ERC1: variants seen among roughly 807,000 people sequenced by gnomAD.
ERC1 encodes RAB6 interacting protein 2.
Under a neutral mutation model 132.0 loss-of-function variants are expected in ERC1, and 56 were observed. The ratio of observed to expected loss-of-function variants is 0.42; its 90% confidence interval spans 0.34 to 0.53. ERC1 has a LOEUF of 0.53. ERC1 is among the 20% of genes least tolerant of loss of function. The pLI is 0.03. For synonymous variants in ERC1, 478 were observed against 476.1 expected, an observed-to-expected ratio of 1.00 and a Z score of -0.05; for missense variants, 1,202 against 1,349.9, an observed-to-expected ratio of 0.89 and a Z score of 1.72.
At chr12:1,395,007 ACTGAAT>A (rs1179075057) in intron 16 of ERC1, among the ~76,000 whole-genome samples, 2 of 152,182 alleles carry the variant, frequency 1.3e-5, no homozygotes, top group Non-Finnish European at 2.9e-5. Flanking sequence ...GTTGAGTCTC[ACTGAAT>A]CCAGCTAATA....
At chr12:1,470,056 G>C (rs1382516787) in intron 18 of ERC1, among the ~76,000 whole-genome samples, 9 of 151,678 alleles carry the variant, frequency 5.9e-5, no homozygotes, top group Admixed American at 3.3e-4. Context: ...CACATCAAAG[G>C]GTCATTTCGT....
rs185192312 is a variant in ERC1, at chr12:1,241,000, A to G, written c.2487+4096A>G. 1.1e-3 allele frequency among the ~76,000 whole-genome samples: 166 copies of G among 152,180 alleles called. 2 individuals carry two copies. The highest frequency in any genetic ancestry group is 3.6e-3 in the African/African-American group (150 of 41,518). On this transcript the variant is annotated intron_variant, in intron 13 of 18. Transcript: ENST00000360905. ...TTTTCTGGACATTTCTTAATTTTCA[A>G]TTTTCACAGAGCAAATTTGTACAGA...
intron 17 of ERC1, among the ~76,000 whole-genome samples, chr12:1,435,870 T>C (rs560354073): frequency 2.1e-4 from 32 of 152,346 alleles, no homozygotes; most frequent in African/African-American, 7.7e-4. Flanking sequence ...GATATATTTA[T>C]AGTTTCTCTT....
intron 1 of ERC1, among the ~76,000 whole-genome samples, chr12:1,023,532 G>C (rs1966674210): frequency 6.6e-6 from 1 of 152,152 alleles, no homozygotes; most frequent in South Asian, 2.1e-4. Flanking sequence ...AAGATGTCCA[G>C]AAGTGGGATA....
At chr12:1,138,725 A>G (rs1457963825) in intron 7 of ERC1, among the ~76,000 whole-genome samples, 1 of 152,186 alleles carries the variant, frequency 6.6e-6, no homozygotes, top group Non-Finnish European at 1.5e-5. Context: ...GCTGCAATGG[A>G]GAGCCACTGG....
intron 2 of ERC1, among the ~76,000 whole-genome samples, chr12:1,056,089 AAAAG>A (rs1001628524): frequency 3.3e-5 from 5 of 151,834 alleles, no homozygotes; most frequent in Middle Eastern, 3.4e-3. Context: ...TTTTTTAAAA[AAAAG>A]GTGAATGTCA....
chr12:1,433,960 C>T (rs1459869735), intron 17 of ERC1, among the ~76,000 whole-genome samples: 3 of 131,606 alleles, frequency 2.3e-5, no homozygotes, highest in Admixed American at 9.0e-5. Context: ...GCCTAGGCGA[C>T]AGAGTGAGAC....
At chr12:1,405,834 T>G (rs932229088) in intron 16 of ERC1, among the ~76,000 whole-genome samples, 4 of 152,172 alleles carry the variant, frequency 2.6e-5, no homozygotes, top group Non-Finnish European at 4.4e-5. Flanking sequence ...GGGGATCACT[T>G]AAGGCCAGGA....
At chr12:1,139,118 T>A (rs190718385) in intron 7 of ERC1, among the ~76,000 whole-genome samples, 3 of 152,324 alleles carry the variant, frequency 2.0e-5, no homozygotes, top group Admixed American at 1.3e-4. Context: ...TTACCTGTGG[T>A]CACCTGTGGT....
chr12:1,426,327 A>G (rs1199357776), intron 17 of ERC1, among the ~76,000 whole-genome samples: 2 of 151,426 alleles, frequency 1.3e-5, no homozygotes, highest in Non-Finnish European at 2.9e-5. Context: ...CTGGTCTCGA[A>G]CTCCTGACCT....
intron 15 of ERC1, among the ~76,000 whole-genome samples, chr12:1,312,880 T>C (rs1431782868): frequency 6.6e-6 from 1 of 152,160 alleles, no homozygotes; most frequent in Non-Finnish European, 1.5e-5. Context: ...CACTGTAACA[T>C]TTATCATGTT....
intron 2 of ERC1, among the ~76,000 whole-genome samples, chr12:1,041,558 A>G (rs1290898474): frequency 6.6e-6 from 1 of 152,180 alleles, no homozygotes; most frequent in Non-Finnish European, 1.5e-5. Flanking sequence ...TAAAGGCCTT[A>G]TGTGGGTCTT....
At chr12:1,253,696 G>A (rs1283104908) in intron 13 of ERC1, among the ~76,000 whole-genome samples, 2 of 152,088 alleles carry the variant, frequency 1.3e-5, no homozygotes, top group African/African-American at 4.8e-5. Context: ...AAAAGGCAGT[G>A]GAGGGTAGAG....
intron 12 of ERC1, among the ~76,000 whole-genome samples, chr12:1,219,697 G>A (rs957688237): frequency 4.7e-5 from 7 of 147,786 alleles, no homozygotes; most frequent in Non-Finnish European, 1.5e-5. Context: ...GTAGCCTGGC[G>A]TAATCTCGGC....
chr12:1,352,502 ATACT>A (rs1464356446), intron 15 of ERC1, among the ~76,000 whole-genome samples: 1 of 152,240 alleles, frequency 6.6e-6, no homozygotes, highest in Non-Finnish European at 1.5e-5. Context: ...GTATTTATAT[ATACT>A]TACCTTTCTC....
At chr12:1,372,026 A>G (rs767330617) in intron 16 of ERC1, 49 bp downstream of exon 16, 15 of 1,600,126 alleles carry the variant, frequency 9.4e-6, no homozygotes, top group Non-Finnish European at 1.3e-5. Flanking sequence ...CTTTCACACC[A>G]TTCTCCACAC....
At chr12:1,357,623 G>C (rs1165709203) in intron 15 of ERC1, among the ~76,000 whole-genome samples, 1 of 152,192 alleles carries the variant, frequency 6.6e-6, no homozygotes, top group East Asian at 1.9e-4. Context: ...GTGTACCTTA[G>C]TTTGAAGGGA....
chr12:1,438,785 T>C (rs927826043), intron 17 of ERC1, among the ~76,000 whole-genome samples: 1 of 151,762 alleles, frequency 6.6e-6, no homozygotes, highest in African/African-American at 2.4e-5. Flanking sequence ...CTACAATAAA[T>C]TTAAAAAATT....
chr12:1,455,597 T>C (rs1476512810), intron 18 of ERC1, among the ~76,000 whole-genome samples: 1 of 152,200 alleles, frequency 6.6e-6, no homozygotes, highest in Non-Finnish European at 1.5e-5. Flanking sequence ...GCCTTGTTAG[T>C]GCCTCCATGA....
Sources: allele counts gnomAD v4.1 joint callset (sites outside exome capture counted in the v4.1 genomes callset), GRCh38; gene constraint gnomAD v4.1.1; transcripts MANE v1.5; gene names NCBI Gene and HGNC (gene_info 2026-07-23, HGNC 2026-07-21).